ALK: variants seen among roughly 807,000 people sequenced by gnomAD.
The protein encoded by ALK is ALK tyrosine kinase receptor.
ALK carries 74 observed loss-of-function variants against 163.1 expected under a neutral mutation model. The ratio of observed to expected loss-of-function variants is 0.45; its 90% CI spans 0.38 to 0.55. The LOEUF (loss-of-function observed/expected upper bound fraction) is 0.55. Among genes scored for constraint, ALK ranks in the 20% least tolerant of loss-of-function variants. The pLI is 0.00. For missense variants in ALK, 2,063 were observed against 2,105.3 expected (o/e 0.98, Z 0.39); for synonymous variants, 960 against 843.2 (o/e 1.14, Z -2.40).
intron 1 of ALK, among the ~76,000 whole-genome samples, chr2:29,873,997 C>A (rs533727828): frequency 2.5e-4 from 38 of 152,112 alleles, no homozygotes; most frequent in African/African-American, 8.2e-4. Flanking sequence ...GGAAGAAATA[C>A]CGGTTCCATA....
intron 4 of ALK, among the ~76,000 whole-genome samples, chr2:29,483,523 T>C (rs994757359): frequency 1.3e-5 from 2 of 152,226 alleles, no homozygotes; most frequent in Admixed American, 6.5e-5. Context: ...TCTCAAATGA[T>C]TCATGTGCAC....
intron 3 of ALK, among the ~76,000 whole-genome samples, chr2:29,639,833 T>C (rs1424919867): frequency 6.6e-6 from 1 of 152,178 alleles, no homozygotes; most frequent in Non-Finnish European, 1.5e-5. Flanking sequence ...GGGAGTGCTG[T>C]CGTGAACAGC....
intron 3 of ALK, among the ~76,000 whole-genome samples, chr2:29,615,969 A>G (rs898498078): frequency 4.6e-5 from 7 of 152,252 alleles, no homozygotes; most frequent in Non-Finnish European, 8.8e-5. Flanking sequence ...GTTTGGCTGC[A>G]TCTCCTCTGC....
chr2:29,889,511 GGATGGATAGATA>G (rs1017080653), intron 1 of ALK, among the ~76,000 whole-genome samples: 2 of 151,350 alleles, frequency 1.3e-5, no homozygotes, highest in Non-Finnish European at 2.9e-5. Context: ...ATAGATGGAT[GGATGGATAGATA>G]GATAGATAGA....
chr2:29,412,080 G>A (rs1669737985), intron 4 of ALK, among the ~76,000 whole-genome samples: 1 of 152,176 alleles, frequency 6.6e-6, no homozygotes, highest in Non-Finnish European at 1.5e-5. Flanking sequence ...GTTATGTCCA[G>A]GTAGTAGGCC....
intron 4 of ALK, among the ~76,000 whole-genome samples, chr2:29,434,218 T>G (rs1323030978): frequency 6.6e-6 from 1 of 152,226 alleles, no homozygotes; most frequent in Admixed American, 6.5e-5. Flanking sequence ...ATCTCAATCT[T>G]ATATATCTAT....
intron 3 of ALK, among the ~76,000 whole-genome samples, chr2:29,576,087 G>A (rs116359136): frequency 2.0e-5 from 3 of 152,184 alleles, no homozygotes; most frequent in South Asian, 4.1e-4. Context: ...GTGGGTGCAC[G>A]GGGTGCAGTC....
chr2:29,800,324 C>T (rs1282065579), intron 1 of ALK, among the ~76,000 whole-genome samples: 1 of 152,212 alleles, frequency 6.6e-6, no homozygotes, highest in Non-Finnish European at 1.5e-5. Flanking sequence ...CATCTGAGCA[C>T]AGAAACAAAT....
At chr2:29,521,674 C>T (rs560331778) in intron 4 of ALK, among the ~76,000 whole-genome samples, 1 of 152,294 alleles carries the variant, frequency 6.6e-6, no homozygotes, top group East Asian at 1.9e-4. Flanking sequence ...TGAGGCTGGG[C>T]ATGAATGCAG....
In ALK at chr2:29,631,930, C is replaced by T. The variant is rs182540965; in HGVS notation, c.952+62920G>A. Among the ~76,000 whole-genome samples, 6 of 152,348 alleles carry T rather than the reference C, an allele frequency of 3.9e-5. No individual in the cohort carries two copies. The East Asian group carries it at 1.2e-3, about 29-fold the overall frequency. ...TGTGTGTTACTGTATTTCACGTGCA[C>T]ATCTCACACATGTATCATTCGATCA... On this transcript the variant is annotated intron_variant, in intron 3 of 28. Coordinates refer to ENST00000389048, the MANE Select transcript of ALK (RefSeq NM_004304.5).
intron 9 of ALK, among the ~76,000 whole-genome samples, chr2:29,278,854 C>G (rs7592311): frequency 0.61 from 93,039 of 152,096 alleles, 29,952 homozygotes; most frequent in East Asian, 0.84. Flanking sequence ...AGGTCATCAT[C>G]TCCTAATCTG....
At chr2:29,266,191 C>A (rs1186211174) in intron 11 of ALK, among the ~76,000 whole-genome samples, 1 of 152,102 alleles carries the variant, frequency 6.6e-6, no homozygotes, top group African/African-American at 2.4e-5. Context: ...TCCTCTATAC[C>A]CCACACAAAT....
At chr2:29,454,295 T>C (rs1479705629) in intron 4 of ALK, among the ~76,000 whole-genome samples, 1 of 152,238 alleles carries the variant, frequency 6.6e-6, no homozygotes, top group Non-Finnish European at 1.5e-5. Flanking sequence ...TCAAGTCTTT[T>C]ATATGAAGTA....
chr2:29,522,652 G>C (rs1672845548), intron 4 of ALK, among the ~76,000 whole-genome samples: 1 of 152,106 alleles, frequency 6.6e-6, no homozygotes, highest in Non-Finnish European at 1.5e-5. Context: ...CAGAGGAGGG[G>C]ACATTGCATG....
chr2:29,813,268 A>G (rs536680210), intron 1 of ALK, among the ~76,000 whole-genome samples: 2 of 152,304 alleles, frequency 1.3e-5, no homozygotes, highest in Non-Finnish European at 2.9e-5. Context: ...AGAAGATTCA[A>G]AAATGTCTTT....
rs35942433 is a variant in ALK, at chr2:29,609,644, ATT to A, written c.953-77530_953-77529del. Among the ~76,000 whole-genome samples, 367 of 143,974 alleles carry A rather than the reference ATT, an allele frequency of 2.5e-3. 1 individual carries two copies. The highest frequency in any genetic ancestry group is 0.017 in the Middle Eastern group (5 of 286). The allele number at this position is 143,974 out of a possible 152,430, so 94.5% of individuals were successfully genotyped here. A position where few individuals can be genotyped will look rare whatever the true frequency, so the allele number is the denominator to read the frequency against. On this transcript the variant is annotated intron_variant, in intron 3 of 28. Coordinates refer to ENST00000389048, the MANE Select transcript of ALK (RefSeq NM_004304.5). ...CTTTTTATCAACAGAACATATTTAC[ATT>A]TTTTTTTTTTTTTCAGATACAGGGT... is the stretch of plus-strand genomic sequence containing the variant.
intron 26 of ALK, 129 bp downstream of exon 26, chr2:29,207,042 G>A (rs370151303): frequency 3.8e-5 from 28 of 745,776 alleles, no homozygotes; most frequent in East Asian, 1.8e-4. Flanking sequence ...CACTGTTGTC[G>A]GGTGTATTGA....
At chr2:29,525,726 G>T (rs1203021972) in intron 4 of ALK, among the ~76,000 whole-genome samples, 1 of 147,746 alleles carries the variant, frequency 6.8e-6, no homozygotes, top group African/African-American at 2.5e-5. Context: ...GGAGACGGAG[G>T]CTGGCAGTGA....
At chr2:29,582,976 C>A (rs1183481432) in intron 3 of ALK, among the ~76,000 whole-genome samples, 1 of 151,716 alleles carries the variant, frequency 6.6e-6, no homozygotes, top group Non-Finnish European at 1.5e-5. Context: ...CTTTAGCCTG[C>A]CTCAGCCTCC....
Sources: gnomAD v4.1 joint callset for allele counts (sites outside exome capture counted in the v4.1 genomes callset) on GRCh38, gnomAD v4.1.1 for gene constraint, MANE v1.5 for transcripts, NCBI Gene and HGNC (gene_info 2026-07-23, HGNC 2026-07-21) for gene names.